TRERF1: variants seen among roughly 807,000 people sequenced by gnomAD.
The protein encoded by TRERF1 is transcriptional-regulating factor 1.
Under a neutral mutation model 122.9 loss-of-function variants are expected in TRERF1, and 27 were observed. That is an observed-to-expected ratio of 0.22 (90% confidence interval 0.16 to 0.30). TRERF1 has a LOEUF of 0.30. TRERF1 is among the 10% of genes least tolerant of loss of function. TRERF1 has a pLI of 1.00. For missense variants in TRERF1, 1,248 were observed against 1,560.3 expected (o/e 0.80, Z 3.37); for synonymous variants, 636 against 641.7 (o/e 0.99, Z 0.13).
Position 42,268,012 on chromosome 6 carries a change from G to T in TRERF1, c.1437+142C>A. 1 of 1,042,980 alleles carries T rather than the reference G, an allele frequency of 9.6e-7. No individual in the cohort carries two copies. Among genetic ancestry groups the T allele is most frequent in the Non-Finnish European group, 1.3e-6 (1 of 781,254 alleles). The allele number at this position is 1,042,980 out of a possible 1,614,324, so 64.6% of individuals were successfully genotyped here. A position where few individuals can be genotyped will look rare whatever the true frequency, so the allele number is the denominator to read the frequency against. On this transcript the variant is annotated intron_variant, in intron 5 of 17. Transcript: ENST00000372922. This position sits in a 1 kb window ranked among gnomAD's most constrained non-coding sequence, Gnocchi z 4.4. The stretch of plus-strand genomic sequence containing the variant: ...TCCAAGTGCTTGGCACAGACAGTGC[G>T]TGACACATGTAGGTTAATGTTTGTG...
chr6:42,332,412 G>A (rs1765406974), intron 3 of TRERF1, among the ~76,000 whole-genome samples: 1 of 152,146 alleles, frequency 6.6e-6, no homozygotes, highest in Non-Finnish European at 1.5e-5. Context: ...CTATTACAAG[G>A]TTTCCTTGGA....
chr6:42,340,962 C>G (rs913560435), intron 3 of TRERF1, among the ~76,000 whole-genome samples: 3 of 152,168 alleles, frequency 2.0e-5, no homozygotes, highest in Non-Finnish European at 4.4e-5. Context: ...CTAGTTACTC[C>G]AAGGACCCTG....
chr6:42,312,303 T>G (rs961911509), intron 3 of TRERF1, among the ~76,000 whole-genome samples: 2 of 152,176 alleles, frequency 1.3e-5, no homozygotes. Context: ...CCCCAGCTGT[T>G]CTGCTCCAGG....
intron 3 of TRERF1, among the ~76,000 whole-genome samples, chr6:42,336,896 C>A (rs2150649818): frequency 6.6e-6 from 1 of 152,290 alleles, no homozygotes; most frequent in African/African-American, 2.4e-5. Flanking sequence ...TGTGTGAGGG[C>A]ACTGGGGCTG....
At chr6:42,265,162 C>CGG (rs1248592060) in intron 6 of TRERF1, among the ~76,000 whole-genome samples, 36 of 152,332 alleles carry the variant, frequency 2.4e-4, no homozygotes, top group Middle Eastern at 3.4e-3. Flanking sequence ...ATTACCCTTC[C>CGG]AGGGTCAGCC....
intron 2 of TRERF1, among the ~76,000 whole-genome samples, chr6:42,377,628 G>T (rs903965930): frequency 6.6e-6 from 1 of 152,200 alleles, no homozygotes; most frequent in African/African-American, 2.4e-5. Flanking sequence ...TGGGCAGTAT[G>T]AACATTTATA....
intron 2 of TRERF1, among the ~76,000 whole-genome samples, chr6:42,446,872 G>A (rs1293940266): frequency 6.6e-6 from 1 of 152,156 alleles, no homozygotes; most frequent in Non-Finnish European, 1.5e-5. Context: ...GGGCATGGTG[G>A]TGCACGCCTG....
intron 2 of TRERF1, among the ~76,000 whole-genome samples, chr6:42,384,839 G>T (rs1334432528): frequency 1.3e-5 from 2 of 151,136 alleles, no homozygotes; most frequent in African/African-American, 4.9e-5. Context: ...GGGTCTCACT[G>T]TGTCGCCCAG....
At chr6:42,431,201 T>A (rs993728332) in intron 2 of TRERF1, among the ~76,000 whole-genome samples, 4 of 151,726 alleles carry the variant, frequency 2.6e-5, no homozygotes, top group African/African-American at 4.8e-5. Flanking sequence ...ATGGAAAAAA[T>A]TTATTCAATA....
intron 3 of TRERF1, among the ~76,000 whole-genome samples, chr6:42,308,167 A>G (rs753943715): frequency 6.6e-6 from 1 of 152,210 alleles, no homozygotes; most frequent in Non-Finnish European, 1.5e-5. Flanking sequence ...ACTTGCACAC[A>G]AATGTTCCTA....
At chr6:42,386,216 T>C (rs1019612899) in intron 2 of TRERF1, among the ~76,000 whole-genome samples, 2 of 152,176 alleles carry the variant, frequency 1.3e-5, no homozygotes, top group Non-Finnish European at 2.9e-5. Context: ...GTATTTTTAG[T>C]AGAGACGGGG....
At chr6:42,388,693 T>C (rs1462769710) in intron 2 of TRERF1, among the ~76,000 whole-genome samples, 1 of 152,108 alleles carries the variant, frequency 6.6e-6, no homozygotes, top group South Asian at 2.1e-4. Context: ...CTCCCAGAAT[T>C]AGCCCAGCAG....
At chr6:42,239,931 G>A (rs1357741880) in intron 15 of TRERF1, among the ~76,000 whole-genome samples, 1 of 151,840 alleles carries the variant, frequency 6.6e-6, no homozygotes, top group Non-Finnish European at 1.5e-5. Context: ...CACAAGTAAT[G>A]AGGGTGTGGA....
intron 13 of TRERF1, among the ~76,000 whole-genome samples, chr6:42,251,592 G>T (rs1481571201): frequency 6.6e-6 from 1 of 152,060 alleles, no homozygotes; most frequent in Non-Finnish European, 1.5e-5. Flanking sequence ...ACTCAGTACT[G>T]CCCTTGAGGG....
chr6:42,406,762 A>T (rs1188612216), intron 2 of TRERF1, among the ~76,000 whole-genome samples: 1 of 125,762 alleles, frequency 8.0e-6, no homozygotes. Flanking sequence ...CTTACCCCCC[A>T]CCCCCCTCCT....
intron 4 of TRERF1, among the ~76,000 whole-genome samples, chr6:42,278,514 T>C (rs1022513672): frequency 1.3e-5 from 2 of 152,144 alleles, no homozygotes; most frequent in Non-Finnish European, 2.9e-5. Flanking sequence ...ACAACCACAC[T>C]TACCGCACCT....
intron 2 of TRERF1, among the ~76,000 whole-genome samples, chr6:42,384,868 G>C (rs1370565150): frequency 3.3e-5 from 5 of 151,712 alleles, no homozygotes; most frequent in Non-Finnish European, 7.4e-5. Context: ...GCAGTGGCAC[G>C]ATCTCAGCTC....
At chr6:42,397,381 T>C (rs1778778227) in intron 2 of TRERF1, among the ~76,000 whole-genome samples, 1 of 152,198 alleles carries the variant, frequency 6.6e-6, no homozygotes, top group Admixed American at 6.5e-5. Flanking sequence ...TACTGTAGAA[T>C]GACAATATTA....
At position 42,259,237 on chromosome 6, in the gene TRERF1, C is replaced by G; in HGVS notation, c.2269+102G>C. On this transcript the variant is annotated intron_variant, in intron 9 of 17. Transcript: ENST00000372922. The surrounding 1 kb of genome is among the most constrained non-coding windows in gnomAD (Gnocchi z 4.9). ...CGCGTGCTACATACAGCCAATACTCCGCAAAAGTCTGTGGGATAAATGAGA... is the reference window on the plus strand; with the variant it reads ...CGCGTGCTACATACAGCCAATACTCGGCAAAAGTCTGTGGGATAAATGAGA... 6 of 1,415,374 alleles carry G rather than the reference C, an allele frequency of 4.2e-6. No homozygotes were observed. Among genetic ancestry groups the G allele is most frequent in the Non-Finnish European group, 5.5e-6 (6 of 1,085,080 alleles). The allele number at this position is 1,415,374 out of a possible 1,614,324, so 87.7% of individuals were successfully genotyped here.
Sources: gnomAD v4.1 joint callset for allele counts (sites outside exome capture counted in the v4.1 genomes callset) on GRCh38, gnomAD v4.1.1 for gene constraint, Gnocchi (gnomAD v3.1) non-coding constraint, MANE v1.5 for transcripts, NCBI Gene and HGNC (gene_info 2026-07-23, HGNC 2026-07-21) for gene names.